The following PINLYP variants were observed in gnomAD, a reference collection of about 807,000 sequenced individuals.
PINLYP encodes the protein phospholipase A2 inhibitor and LY6/PLAUR domain containing.
PINLYP carries 12 observed loss-of-function variants against 15.8 expected under a neutral mutation model. The ratio of observed to expected loss-of-function variants is 0.76; its 90% confidence interval spans 0.49 to 1.23. The LOEUF (loss-of-function observed/expected upper bound fraction) is 1.23. Among genes scored for constraint, PINLYP ranks in the 50% most tolerant of loss-of-function variants. The probability of loss-of-function intolerance (pLI) is 0.00; values close to 1 mark genes in which losing one functional copy is unlikely to be tolerated. For missense variants in PINLYP, 278 were observed against 264.2 expected (o/e 1.05, Z -0.36); for synonymous variants, 93 against 97.7 (o/e 0.95, Z 0.28).
At chr19:43,580,189 T>C (rs1327301068) in intron 3 of PINLYP, among the ~76,000 whole-genome samples, 1 of 151,968 alleles carries the variant, frequency 6.6e-6, no homozygotes, top group East Asian at 1.9e-4. Flanking sequence ...AGGAAGGACC[T>C]GAAAGGCTTG....
chr19:43,577,841 G>A (rs181588496), intron 2 of PINLYP, among the ~76,000 whole-genome samples: 1 of 152,264 alleles, frequency 6.6e-6, no homozygotes, highest in Admixed American at 6.5e-5. Flanking sequence ...GGGAGGCAAA[G>A]GTTGCAGTGA....
In PINLYP at chr19:43,580,614, G is replaced by C. The variant is rs1018719152; in HGVS notation, c.188-598G>C. The C allele has an allele frequency of 7.1e-6, 7 of 984,918 alleles. No homozygotes were observed. In the African/African-American group the frequency reaches 1.2e-4, roughly 17 times the overall value. The allele number at this position is 984,918 out of a possible 1,614,324, so 61.0% of individuals were successfully genotyped here. A position where few individuals can be genotyped will look rare whatever the true frequency, so the allele number is the denominator to read the frequency against. On this transcript the variant is annotated intron_variant, in intron 3 of 5. Transcript: ENST00000599207. ...TAATCCCGGAAGGACAGGGAGAGAGGGGTGGCCGTGGGTGGGGTGGGGTGG... is the reference window on the plus strand; with the variant it reads ...TAATCCCGGAAGGACAGGGAGAGAGCGGTGGCCGTGGGTGGGGTGGGGTGG...
intron 3 of PINLYP, chr19:43,580,707 G>A: frequency 1.0e-6 from 1 of 983,556 alleles, no homozygotes; most frequent in Non-Finnish European, 1.2e-6. Context: ...ACCAAAGGCC[G>A]ACTAGGGGCT....
At chr19:43,578,620 C>T (rs762951353) in exon 3 of PINLYP, 48 of 1,535,754 alleles carry the variant, frequency 3.1e-5, no homozygotes, top group Admixed American at 1.2e-4. Flanking sequence ...ATATGTACGG[C>T]GGCGGGGAGC....
intron 4 of PINLYP, 24 bp from the exon 5 acceptor site, chr19:43,581,539 C>A: frequency 1.3e-6 from 2 of 1,530,074 alleles, no homozygotes; most frequent in Non-Finnish European, 1.7e-6. Context: ...CCCTATTCAC[C>A]TTACACTTCA....
At position 43,581,629 on chromosome 19, in the gene PINLYP, A is replaced by G. The variant is rs148400638; in HGVS notation, c.407A>G (p.Lys136Arg). 730 of 1,536,566 alleles carry G rather than the reference A, an allele frequency of 4.8e-4. 8 individuals carry two copies. The African/African-American group carries it at 8.5e-3, about 18-fold the overall frequency. Residue 136 changes from lysine (K) to arginine (R), a missense_variant, in exon 5 of 6, where the codon AAA becomes AGA. Physicochemically the swap from Lys to Arg is conservative, Grantham distance 26 (BLOSUM62 2). Transcript: ENST00000599207. ...GCCTGCACTGCGAGCTTCAGGGACA[A>G]ATGCATGGGGCCCATGACCCACTGT...
chr19:43,581,340 G>T, exon 4 of PINLYP: 1 of 1,536,798 alleles, frequency 6.5e-7, no homozygotes, highest in Non-Finnish European at 8.7e-7. Flanking sequence ...CCAGAGCGAC[G>T]GCTGCAACAG....
At chr19:43,577,141 T>A in exon 2 of PINLYP, 5 of 1,535,896 alleles carry the variant, frequency 3.3e-6, no homozygotes, top group Non-Finnish European at 4.4e-6. Flanking sequence ...GACCCACCCC[T>A]CCTCAGCTTC....
At position 43,576,956 on chromosome 19, in the gene PINLYP, A is replaced by G; in HGVS notation, c.-78+37A>G. 8.6e-6 allele frequency: 5 copies of G among 584,186 alleles called. No homozygotes were observed. The East Asian group carries it at 1.5e-4, about 18-fold the overall frequency. 36.2% of individuals were successfully genotyped at this position (584,186 alleles called of 1,614,324 possible). ...GGGTGGTGACTTTCTGGGTTCTAAT[A>G]GAAGAGGGGGATGGAAGCCCAGACT... On this transcript the variant is annotated intron_variant, in intron 1 of 5. Transcript: ENST00000599207.
At chr19:43,577,861 G>C (rs1332516734) in intron 2 of PINLYP, among the ~76,000 whole-genome samples, 1 of 152,068 alleles carries the variant, frequency 6.6e-6, no homozygotes, top group African/African-American at 2.4e-5. Context: ...AGCCAAGATC[G>C]TGCCACTGCA....
At chr19:43,581,652 T>A in exon 5 of PINLYP, 1 of 1,536,444 alleles carries the variant, frequency 6.5e-7, no homozygotes, top group East Asian at 2.4e-5. Context: ...CATGACCCAC[T>A]GTACTGGAAA....
At position 43,581,253 on chromosome 19, in the gene PINLYP, TC is replaced by T; in HGVS notation, c.232del (p.Gln78ArgfsTer19). The stretch of plus-strand genomic sequence containing the variant: ...GCACACCTACAAGGGCTGCATCAGG[TC>T]CCAGGACTGCTACTCCGGCGTTATA... On this transcript the variant is annotated frameshift_variant, in exon 4 of 6. Transcript: ENST00000599207. LOFTEE classifies it high-confidence loss of function. 6.5e-7 allele frequency: 1 copy of T among 1,537,076 alleles called. No homozygotes were observed. Among genetic ancestry groups the T allele is most frequent in the Non-Finnish European group, 8.7e-7 (1 of 1,146,960 alleles).
chr19:43,579,448 T>G (rs1046093772), intron 3 of PINLYP, among the ~76,000 whole-genome samples: 5 of 151,490 alleles, frequency 3.3e-5, no homozygotes, highest in African/African-American at 1.2e-4. Flanking sequence ...GGTTTCGCCA[T>G]GTTGGCCAGG....
At chr19:43,579,761 G>T (rs1046730844) in intron 3 of PINLYP, among the ~76,000 whole-genome samples, 1 of 150,456 alleles carries the variant, frequency 6.6e-6, no homozygotes, top group South Asian at 2.1e-4. Context: ...AAATAGTTGC[G>T]CATGGTGGCA....
intron 3 of PINLYP, 161 bp from the exon 4 acceptor site, chr19:43,581,051 A>G: frequency 1.1e-6 from 1 of 891,994 alleles, no homozygotes; most frequent in South Asian, 2.0e-5. Context: ...AGCCTGGGCA[A>G]CTCCGTCTAA....
chr19:43,581,924 A>G, exon 6 of PINLYP: 1 of 1,536,558 alleles, frequency 6.5e-7, no homozygotes, highest in East Asian at 2.4e-5. Context: ...TATGTGCTTT[A>G]CCAAGCCTGG....
intron 3 of PINLYP, among the ~76,000 whole-genome samples, chr19:43,580,121 G>A (rs1191910737): frequency 6.6e-6 from 1 of 152,158 alleles, no homozygotes; most frequent in Non-Finnish European, 1.5e-5. Flanking sequence ...ACACTGGTCG[G>A]GAGAGGCTGT....
intron 2 of PINLYP, among the ~76,000 whole-genome samples, chr19:43,577,861 G>A (rs1332516734): frequency 1.3e-5 from 2 of 152,068 alleles, no homozygotes; most frequent in African/African-American, 2.4e-5. Flanking sequence ...AGCCAAGATC[G>A]TGCCACTGCA....
chr19:43,578,714 G>A lies in PINLYP; in HGVS notation c.187+8G>A, dbSNP rs1472589477. ...TCGGGAAGGCTACTTCAAGTAAGAG[G>A]ATGTGGCCTGGGACCTGGTGGGGAG... On this transcript the variant is annotated splice_region_variant and intron_variant, in intron 3 of 5. Coordinates refer to ENST00000599207, the Ensembl canonical transcript of PINLYP. 2.0e-6 allele frequency: 3 copies of A among 1,533,464 alleles called. No homozygotes were observed. In the Admixed American group the frequency reaches 5.9e-5, roughly 30 times the overall value. 95.0% of individuals were successfully genotyped at this position (1,533,464 alleles called of 1,614,324 possible).
Sources: gnomAD v4.1 joint callset for allele counts (sites outside exome capture counted in the v4.1 genomes callset) on GRCh38, gnomAD v4.1.1 for gene constraint, MANE v1.5 for transcripts, NCBI Gene and HGNC (gene_info 2026-07-23, HGNC 2026-07-21) for gene names.